Variants in MRTFA observed in about 807,000 individuals in gnomAD.
The protein encoded by MRTFA is myocardin-related transcription factor A.
Under a neutral mutation model 83.5 loss-of-function variants are expected in MRTFA, and 20 were observed. That is an observed-to-expected ratio of 0.24 (90% CI 0.17 to 0.35). The LOEUF is 0.35. MRTFA is among the 10% of genes least tolerant of loss of function. The probability of loss-of-function intolerance (pLI) is 1.00; values close to 1 mark genes in which losing one functional copy is unlikely to be tolerated. For missense variants in MRTFA, 1,200 were observed against 1,224.7 expected, an observed-to-expected ratio of 0.98 and a Z score of 0.30; for synonymous variants, 659 against 541.2, an observed-to-expected ratio of 1.22 and a Z score of -3.02.
At chr22:40,547,794 C>T (rs1342349187) in intron 3 of MRTFA, among the ~76,000 whole-genome samples, 3 of 151,068 alleles carry the variant, frequency 2.0e-5, no homozygotes, top group Non-Finnish European at 4.4e-5. Context: ...GCAGAGGTTG[C>T]CGTGAGCTGA....
chr22:40,462,751 A>C lies in MRTFA; in HGVS notation c.307+470T>G, dbSNP rs139125080. Reference sequence around the variant, plus strand: ...ATGCTCACGCCCAGGCCAGCCTTAGAGTATCTCAGGATCTCACTCTACATA... The same window carrying C: ...ATGCTCACGCCCAGGCCAGCCTTAGCGTATCTCAGGATCTCACTCTACATA... On this transcript the variant is annotated intron_variant, in intron 4 of 14. Coordinates refer to ENST00000355630, the MANE Select transcript of MRTFA (RefSeq NM_020831.6). Among the ~76,000 whole-genome samples the C allele has an allele frequency of 2.0e-5, 3 of 152,328 alleles. No individual in the cohort carries two copies. In the East Asian group the frequency reaches 5.8e-4, roughly 29 times the overall value.
chr22:40,595,206 G>A (rs140136324), intron 1 of MRTFA, among the ~76,000 whole-genome samples: 2 of 140,334 alleles, frequency 1.4e-5, no homozygotes, highest in Admixed American at 7.7e-5. Context: ...TGCAACCTCC[G>A]ACTCCCAGGT....
At chr22:40,629,875 G>A (rs993522420) in intron 1 of MRTFA, among the ~76,000 whole-genome samples, 3 of 149,168 alleles carry the variant, frequency 2.0e-5, no homozygotes, top group Non-Finnish European at 4.5e-5. Context: ...CTTAAGACAA[G>A]GAGTTTTGAG....
chr22:40,431,289 A>G, intron 6 of MRTFA, 116 bp downstream of exon 6: 2 of 955,964 alleles, frequency 2.1e-6, no homozygotes. Flanking sequence ...GCTCTGGCTT[A>G]CCCACTGCCA....
rs574556643 is a variant in MRTFA, at chr22:40,586,022, G to A, written c.-22+8652C>T. On this transcript the variant is annotated intron_variant, in intron 2 of 14. Coordinates refer to ENST00000355630, the MANE Select transcript of MRTFA (RefSeq NM_020831.6). ...TCATGAAACTTTTGTTTTAGATATC[G>A]ATATACTTACGTGTGTATTGGGTCT... 1.4e-4 allele frequency among the ~76,000 whole-genome samples: 22 copies of A among 152,234 alleles called. 1 individual carries two copies. The highest frequency in any genetic ancestry group is 4.6e-4 in the African/African-American group (19 of 41,550).
intron 3 of MRTFA, among the ~76,000 whole-genome samples, chr22:40,466,221 C>A (rs928204052): frequency 1.3e-5 from 2 of 152,186 alleles, no homozygotes; most frequent in African/African-American, 4.8e-5. Context: ...AGATCAGCAA[C>A]AATAATTGCA....
intron 3 of MRTFA, among the ~76,000 whole-genome samples, chr22:40,502,888 A>C (rs1197666101): frequency 1.3e-5 from 2 of 152,160 alleles, no homozygotes; most frequent in Non-Finnish European, 2.9e-5. Flanking sequence ...AGTCCTCTGT[A>C]GATTAACTGT....
At chr22:40,449,542 T>C (rs1434817154) in intron 4 of MRTFA, among the ~76,000 whole-genome samples, 1 of 152,192 alleles carries the variant, frequency 6.6e-6, no homozygotes, top group Non-Finnish European at 1.5e-5. Flanking sequence ...GAATAATCTT[T>C]AGTAAGCTCT....
At chr22:40,590,996 G>A (rs902654829) in intron 2 of MRTFA, among the ~76,000 whole-genome samples, 11 of 151,866 alleles carry the variant, frequency 7.2e-5, no homozygotes, top group South Asian at 2.1e-4. Flanking sequence ...TTAGCCGGGC[G>A]TGGTGGCACG....
At chr22:40,588,526 T>C (rs1302861003) in intron 2 of MRTFA, among the ~76,000 whole-genome samples, 2 of 152,182 alleles carry the variant, frequency 1.3e-5, no homozygotes, top group African/African-American at 4.8e-5. Flanking sequence ...ACCCTTTGGA[T>C]ATATGGTACC....
At chr22:40,456,348 G>A (rs1188207081) in intron 4 of MRTFA, among the ~76,000 whole-genome samples, 1 of 152,024 alleles carries the variant, frequency 6.6e-6, no homozygotes, top group Non-Finnish European at 1.5e-5. Context: ...AAGATTCAGG[G>A]GAGCCTCTCT....
chr22:40,576,621 A>T (rs1172404379), intron 2 of MRTFA, among the ~76,000 whole-genome samples: 1 of 152,190 alleles, frequency 6.6e-6, no homozygotes, highest in Non-Finnish European at 1.5e-5. Flanking sequence ...TCTGGCTTAA[A>T]CTTCAAATTG....
At chr22:40,632,873 G>A (rs1034752086) in intron 1 of MRTFA, among the ~76,000 whole-genome samples, 3 of 152,192 alleles carry the variant, frequency 2.0e-5, no homozygotes, top group Non-Finnish European at 4.4e-5. Context: ...TACACAGGAA[G>A]ACAGTTAACA....
Position 40,410,371 on chromosome 22 carries a change from C to T in MRTFA, c.*1019G>A, listed in dbSNP as rs980803095. On this transcript the variant is annotated 3_prime_UTR_variant, in exon 15 of 15. Coordinates refer to ENST00000355630, the MANE Select transcript of MRTFA (RefSeq NM_020831.6). ...ACTGGTTTTGGTGACTCCACCCCTA[C>T]TCCCCTATGAGTCAGCCCAGAATGT... 2.4e-5 allele frequency: 6 copies of T among 248,366 alleles called. No homozygotes were observed. Among genetic ancestry groups the T allele is most frequent in the Admixed American group, 5.6e-5 (1 of 17,754 alleles). 15.4% of individuals were successfully genotyped at this position (248,366 alleles called of 1,614,324 possible). A position where few individuals can be genotyped will look rare whatever the true frequency, so the allele number is the denominator to read the frequency against.
chr22:40,620,683 T>C (rs948510583), intron 1 of MRTFA, among the ~76,000 whole-genome samples: 5 of 151,778 alleles, frequency 3.3e-5, no homozygotes, highest in Middle Eastern at 3.4e-3. Context: ...GGATCAGGAG[T>C]GTGACTCATG....
At chr22:40,596,506 A>G (rs192612681) in intron 1 of MRTFA, among the ~76,000 whole-genome samples, 2 of 152,114 alleles carry the variant, frequency 1.3e-5, no homozygotes, top group Non-Finnish European at 2.9e-5. Flanking sequence ...TCTCTACTAA[A>G]AATGCAAAAA....
rs200002762 is a variant in MRTFA at position 40,609,674 on chromosome 22, TACAA to T, written c.-83-14943_-83-14940del. On this transcript the variant is annotated intron_variant, in intron 1 of 14. Transcript: ENST00000355630. ...GGTGAAACCCTGTCTCTACTAGAAA[TACAA>T]ACAATTAGCCAGGCATGGTGGAGGG... Among the ~76,000 whole-genome samples, 1,338 of 151,594 alleles carry T rather than the reference TACAA, an allele frequency of 8.8e-3. 39 individuals are homozygous for T. Among genetic ancestry groups the T allele is most frequent in the Admixed American group, 0.066 (1,005 of 15,200 alleles).
intron 1 of MRTFA, among the ~76,000 whole-genome samples, chr22:40,619,307 C>T (rs1195237138): frequency 6.6e-6 from 1 of 152,056 alleles, no homozygotes; most frequent in Non-Finnish European, 1.5e-5. Context: ...AGTACATATA[C>T]TTTTATAAAC....
intron 1 of MRTFA, among the ~76,000 whole-genome samples, chr22:40,596,438 G>A (rs187845737): frequency 1.2e-4 from 18 of 152,212 alleles, no homozygotes; most frequent in Admixed American, 1.0e-3. Context: ...CCAGCACTTC[G>A]GGAGGCCAGG....
Sources: allele counts gnomAD v4.1 joint callset (sites outside exome capture counted in the v4.1 genomes callset), GRCh38; gene constraint gnomAD v4.1.1; transcripts MANE v1.5; gene names NCBI Gene and HGNC (gene_info 2026-07-23, HGNC 2026-07-21).